Variants in PFKFB3 observed in about 807,000 individuals in gnomAD.
PFKFB3 encodes 6-phosphofructo-2-kinase/fructose-2,6-bisphosphatase 3.
Under a neutral mutation model 68.0 loss-of-function variants are expected in PFKFB3, and 33 were observed. The ratio of observed to expected loss-of-function variants is 0.49; its 90% confidence interval spans 0.37 to 0.65. The LOEUF (loss-of-function observed/expected upper bound fraction) is 0.65. Among genes scored for constraint, PFKFB3 ranks in the 30% least tolerant of loss-of-function variants. The pLI is 0.00. For synonymous variants in PFKFB3, 315 were observed against 288.2 expected (o/e 1.09, Z -0.94); for missense variants, 586 against 712.2 (o/e 0.82, Z 2.02).
At chr10:6,205,095 G>T (rs1469214518) in intron 1 of PFKFB3, among the ~76,000 whole-genome samples, 2 of 152,236 alleles carry the variant, frequency 1.3e-5, no homozygotes, top group African/African-American at 4.8e-5. Context: ...CAGAGCTGGA[G>T]GGTGGGAATT....
At chr10:6,253,207 C>G (rs1431670862) in intron 14 of PFKFB3, among the ~76,000 whole-genome samples, 4 of 152,170 alleles carry the variant, frequency 2.6e-5, no homozygotes, top group African/African-American at 9.7e-5. Flanking sequence ...CATGAGCCAC[C>G]ATGCCCGGCC....
At chr10:6,223,816 CAT>C (rs1445436042) in intron 11 of PFKFB3, 140 bp from the exon 12 acceptor site, 10 of 721,420 alleles carry the variant, frequency 1.4e-5, no homozygotes, top group Non-Finnish European at 2.3e-5. Context: ...GGGGTTTTGC[CAT>C]GTTGGTCAGG....
rs371283024 is a variant in PFKFB3 at position 6,226,299 on chromosome 10, G to A, written c.1449G>A (p.Val483=). The A allele has an allele frequency of 6.2e-7, 1 of 1,614,132 alleles. No homozygotes were observed. The highest frequency in any genetic ancestry group is 1.7e-5 in the Admixed American group (1 of 60,010). The change falls in exon 14 of 15, where the codon GTG becomes GTA. Residue 483 remains valine, a synonymous_variant. Transcript: ENST00000379775. Reference sequence around the variant, plus strand: ...GCATCAACAGCTTTGAGGAGCATGTGGCCTCCACCTCGGCCGCCCTGCCCA... The same window carrying A: ...GCATCAACAGCTTTGAGGAGCATGTAGCCTCCACCTCGGCCGCCCTGCCCA... ...KPRINSFEEH[V]ASTSAALPSC...
At chr10:6,267,070 TAAAG>T in the PFKFB3 span, among the ~76,000 whole-genome samples, 3 of 152,258 alleles carry the variant, frequency 2.0e-5, no homozygotes, top group Non-Finnish European at 2.9e-5. Context: ...TTATTCAAAA[TAAAG>T]AAACAAGTTA....
chr10:6,175,994 T>G (rs1012860053), intron 1 of PFKFB3, among the ~76,000 whole-genome samples: 3 of 152,234 alleles, frequency 2.0e-5, no homozygotes, highest in African/African-American at 7.2e-5. Flanking sequence ...CGTAGACGCA[T>G]GCACTCAAGG....
At chr10:6,156,576 C>T (rs1263627180) in intron 1 of PFKFB3, among the ~76,000 whole-genome samples, 3 of 151,574 alleles carry the variant, frequency 2.0e-5, no homozygotes, top group African/African-American at 2.4e-5. Context: ...GGCACAATCT[C>T]GGCTCACTGC....
the PFKFB3 span, among the ~76,000 whole-genome samples, chr10:6,325,273 A>G: frequency 6.6e-5 from 10 of 152,310 alleles, no homozygotes; most frequent in South Asian, 2.1e-3. Context: ...CTGGCATACA[A>G]TTTTTAAAAA....
chr10:6,228,151 C>A lies in PFKFB3; in HGVS notation c.1515+1786C>A. 6.2e-7 allele frequency: 1 copy of A among 1,611,198 alleles called. No individual in the cohort carries two copies. The highest frequency in any genetic ancestry group is 1.3e-5 in the African/African-American group (1 of 75,002). On this transcript the variant is annotated intron_variant, in intron 14 of 14. Coordinates refer to ENST00000379775, the MANE Select transcript of PFKFB3 (RefSeq NM_004566.4). The surrounding 1 kb of genome is among the most constrained non-coding windows in gnomAD (Gnocchi z 4.5). ...TTCAGGGCTTCGTCCCTGCAGATTG[C>A]GCCCTGCCTCCTGACTGACTTCTCT...
the PFKFB3 span, among the ~76,000 whole-genome samples, chr10:6,307,399 C>T: frequency 7.9e-5 from 12 of 151,956 alleles, no homozygotes; most frequent in East Asian, 1.9e-4. Flanking sequence ...CTCTGGAGAA[C>T]GCAATCAGGA....
At chr10:6,315,267 T>G in the PFKFB3 span, among the ~76,000 whole-genome samples, 1 of 151,724 alleles carries the variant, frequency 6.6e-6, no homozygotes, top group East Asian at 1.9e-4. Flanking sequence ...CATCCCAGAG[T>G]GCGCATGAAA....
At chr10:6,280,145 A>G in the PFKFB3 span, among the ~76,000 whole-genome samples, 1 of 152,124 alleles carries the variant, frequency 6.6e-6, no homozygotes, top group Non-Finnish European at 1.5e-5. Context: ...TTCATCAATC[A>G]AGACCCAGTG....
At chr10:6,238,016 C>T (rs899898005), downstream of PFKFB3, among the ~76,000 whole-genome samples, 1 of 152,018 alleles carries the variant, frequency 6.6e-6, no homozygotes, top group African/African-American at 2.4e-5. Context: ...TTTCAACCTA[C>T]AGTTTCTGAC....
At chr10:6,192,712 T>TGTGTGTGTG (rs1588449738) in intron 1 of PFKFB3, among the ~76,000 whole-genome samples, 3 of 108,422 alleles carry the variant, frequency 2.8e-5, no homozygotes, top group Non-Finnish European at 4.2e-5. Flanking sequence ...TGTGTGTGTG[T>TGTGTGTGTG]TGGGGGATGT....
chr10:6,268,374 A>T, the PFKFB3 span, among the ~76,000 whole-genome samples: 1 of 152,068 alleles, frequency 6.6e-6, no homozygotes, highest in Non-Finnish European at 1.5e-5. Context: ...ATATAAGGCT[A>T]GGCACGGTGG....
rs12249726 is a variant in PFKFB3, at chr10:6,229,256, G to A, written c.1515+2891G>A. ...ATGTACCAGTGTCCTCCATGTCCAC[G>A]TTCCTTAAGACCACCCTGGGAGGTC... On this transcript the variant is annotated intron_variant, in intron 14 of 14. Coordinates refer to ENST00000379775, the MANE Select transcript of PFKFB3 (RefSeq NM_004566.4). This position sits in a 1 kb window ranked among gnomAD's most constrained non-coding sequence, Gnocchi z 4.3. 1.4e-3 allele frequency: 655 copies of A among 464,954 alleles called. 5 individuals are homozygous for A. The highest frequency in any genetic ancestry group is 0.011 in the African/African-American group (549 of 50,082). 28.8% of individuals were successfully genotyped at this position (464,954 alleles called of 1,614,324 possible).
chr10:6,186,521 C>T (rs1465958240), intron 1 of PFKFB3, among the ~76,000 whole-genome samples: 4 of 152,224 alleles, frequency 2.6e-5, no homozygotes, highest in African/African-American at 9.6e-5. Flanking sequence ...ACTATTACTA[C>T]ATGCTATTTA....
chr10:6,205,388 CTTTTTTTTT>C (rs3084014), intron 1 of PFKFB3, among the ~76,000 whole-genome samples: 56 of 106,510 alleles, frequency 5.3e-4, no homozygotes, highest in Middle Eastern at 6.8e-3. Context: ...TTCTTTCTTC[CTTTTTTTTT>C]TTTTTTTTTT....
rs370851296 is a variant in PFKFB3, at chr10:6,220,883, G to A, written c.831+18G>A. ...GCAAGAAGGTGCGGGGTGTGCTGCC[G>A]CATGGGCCGTTCTGGCTGTAGGGCG... On this transcript the variant is annotated intron_variant, in intron 8 of 14. Transcript: ENST00000379775. The surrounding 1 kb of genome is among the most constrained non-coding windows in gnomAD (Gnocchi z 4.1). 89 of 1,606,518 alleles carry A rather than the reference G, an allele frequency of 5.5e-5. No homozygotes were observed. Among genetic ancestry groups the A allele is most frequent in the Non-Finnish European group, 7.1e-5 (84 of 1,178,998 alleles).
At chr10:6,293,916 C>A in the PFKFB3 span, 1 of 476,486 alleles carries the variant, frequency 2.1e-6, no homozygotes, top group Non-Finnish European at 4.2e-6. Context: ...TTGATTTAAG[C>A]CAGAGTTCAA....
Sources: allele counts gnomAD v4.1 joint callset (sites outside exome capture counted in the v4.1 genomes callset), GRCh38; gene constraint gnomAD v4.1.1; non-coding constraint Gnocchi (gnomAD v3.1); transcripts MANE v1.5; gene names NCBI Gene and HGNC (gene_info 2026-07-23, HGNC 2026-07-21).